HERC2: variants seen among roughly 807,000 people sequenced by gnomAD.
HERC2 encodes the protein HECT and RLD domain containing E3 ubiquitin protein ligase 2.
A neutral mutation model predicts 537.7 loss-of-function variants in HERC2; 102 were observed. The observed-to-expected ratio is 0.19, with a 90% CI of 0.16 to 0.22. The LOEUF is 0.22. Ranked by LOEUF, HERC2 falls within the 10% of genes least tolerant of loss-of-function variation. HERC2 has a pLI of 1.00. For synonymous variants in HERC2, 2,224 were observed against 2,466.2 expected (o/e 0.90, Z 2.91); for missense variants, 4,236 against 6,198.2 (o/e 0.68, Z 10.63).
intron 23 of HERC2, among the ~76,000 whole-genome samples, chr15:28,239,723 T>TA (rs1902856976): frequency 6.7e-6 from 1 of 148,316 alleles, no homozygotes; most frequent in South Asian, 2.3e-4. Flanking sequence ...AGCAGATTAA[T>TA]GTAACTAACA....
At chr15:28,245,120 A>G (rs1903528128) in intron 23 of HERC2, among the ~76,000 whole-genome samples, 1 of 152,108 alleles carries the variant, frequency 6.6e-6, no homozygotes, top group Non-Finnish European at 1.5e-5. Context: ...GAGTCTTCCC[A>G]TTATCAATCT....
chr15:28,169,320 G>A (rs1894463233), intron 66 of HERC2, among the ~76,000 whole-genome samples, 164 bp downstream of exon 66: 1 of 152,100 alleles, frequency 6.6e-6, no homozygotes, highest in South Asian at 2.1e-4. Flanking sequence ...CACACACTAA[G>A]ATATCACCAA....
intron 23 of HERC2, among the ~76,000 whole-genome samples, chr15:28,241,440 C>T (rs1014924766): frequency 3.3e-5 from 5 of 152,060 alleles, no homozygotes; most frequent in Non-Finnish European, 4.4e-5. Context: ...GCAGCCACTC[C>T]GAAAAACACT....
intron 23 of HERC2, 71 bp downstream of exon 23, chr15:28,245,810 T>A: frequency 7.6e-7 from 1 of 1,315,094 alleles, no homozygotes; most frequent in Non-Finnish European, 1.1e-6. Context: ...TTCTTTCAAA[T>A]TGAAAGGCAA....
chr15:28,158,846 A>C (rs1341577554), intron 69 of HERC2, among the ~76,000 whole-genome samples: 1 of 152,090 alleles, frequency 6.6e-6, no homozygotes, highest in Non-Finnish European at 1.5e-5. Flanking sequence ...GGTCTTTACA[A>C]TTTGGCATGT....
intron 26 of HERC2, among the ~76,000 whole-genome samples, chr15:28,235,701 C>T (rs975566104): frequency 6.6e-6 from 1 of 152,178 alleles, no homozygotes; most frequent in African/African-American, 2.4e-5. Flanking sequence ...ATGAACGTCT[C>T]CATTTCACCA....
At chr15:28,273,961 C>T (rs753759577) in intron 7 of HERC2, among the ~76,000 whole-genome samples, 3 of 152,098 alleles carry the variant, frequency 2.0e-5, no homozygotes, top group African/African-American at 4.8e-5. Context: ...AGCACCACTC[C>T]GCACTCAGAA....
chr15:28,176,522 T>G lies in HERC2; in HGVS notation c.9592A>C (p.Asn3198His). The G allele has an allele frequency of 6.2e-7, 1 of 1,614,192 alleles. No individual in the cohort carries two copies. The highest frequency in any genetic ancestry group is 1.3e-5 in the African/African-American group (1 of 75,048). The change falls in exon 63 of 93, where the codon AAC (asparagine) becomes CAC (histidine). Residue 3198 changes from asparagine to histidine, a missense_variant. Around this residue, in one of 27 missense-constraint regions of HERC2, gnomAD observed 93 missense variants for 265.1 expected, o/e 0.35. Coordinates refer to ENST00000261609, the MANE Select transcript of HERC2 (RefSeq NM_004667.6). The surrounding 1 kb of genome is among the most constrained non-coding windows in gnomAD (Gnocchi z 5.0). ...GGSEGCNIPQ[N>H]IERLNGQGVC... Reference sequence around the variant, plus strand: ...CCCTGTCCATTTAGTCTCTCAATGTTCTGGGGAATGTTACAGCCTTCACTT... The same window carrying G: ...CCCTGTCCATTTAGTCTCTCAATGTGCTGGGGAATGTTACAGCCTTCACTT...
intron 3 of HERC2, among the ~76,000 whole-genome samples, chr15:28,294,292 G>C (rs889879787): frequency 6.6e-6 from 1 of 151,330 alleles, no homozygotes; most frequent in African/African-American, 2.4e-5. Context: ...AACTTCCTAG[G>C]TTCAGCAAAT....
At position 28,112,050 on chromosome 15, in the gene HERC2, C is replaced by CATGAAGTGATTAGAA; in HGVS notation, c.14233-30_14233-16dup. ...TTATCCAACACCTGTTGAGCAGAAA[C>CATGAAGTGATTAGAA]ATGAAGTGATTAGAAATTGAGTACG... On this transcript the variant is annotated splice_polypyrimidine_tract_variant and intron_variant, in intron 92 of 92. Transcript: ENST00000261609. The CATGAAGTGATTAGAA allele has an allele frequency of 1.2e-6, 2 of 1,610,304 alleles. No homozygotes were observed. The highest frequency in any genetic ancestry group is 1.7e-6 in the Non-Finnish European group (2 of 1,176,932).
chr15:28,202,305 G>A (rs1897994405), intron 46 of HERC2, 42 bp downstream of exon 46: 1 of 1,612,998 alleles, frequency 6.2e-7, no homozygotes, highest in East Asian at 2.2e-5. Flanking sequence ...CCTGAAGCGG[G>A]AACCCACACA....
rs1887807646 is a variant in HERC2 at position 28,112,952 on chromosome 15, A to G, written c.14232+119T>C. 1.2e-5 allele frequency: 9 copies of G among 763,020 alleles called. No homozygotes were observed. In the East Asian group the frequency reaches 2.4e-4, roughly 21 times the overall value. The allele number at this position is 763,020 out of a possible 1,614,324, so 47.3% of individuals were successfully genotyped here. On this transcript the variant is annotated intron_variant, in intron 92 of 92. Coordinates refer to ENST00000261609, the MANE Select transcript of HERC2 (RefSeq NM_004667.6). ...GAGAAGTTCGATGTTTTCCATTTTC[A>G]TTTCTGTAAAGACTCAAGAGGCTCG... is the stretch of plus-strand genomic sequence containing the variant.
In HERC2 at chr15:28,289,728, G is replaced by A. The variant is rs558775104; in HGVS notation, c.322+3160C>T. ...ACATACCTAAAATCCATGGACTTACGGGACATGGCTCCCTGGAAAACGTTC... is the reference window on the plus strand; with the variant it reads ...ACATACCTAAAATCCATGGACTTACAGGACATGGCTCCCTGGAAAACGTTC... On this transcript the variant is annotated intron_variant, in intron 4 of 92. Coordinates refer to ENST00000261609, the MANE Select transcript of HERC2 (RefSeq NM_004667.6). 1.4e-3 allele frequency among the ~76,000 whole-genome samples: 220 copies of A among 152,206 alleles called. 7 individuals are homozygous for A. Among genetic ancestry groups the A allele is most frequent in the Non-Finnish European group, 3.4e-4 (23 of 68,034 alleles).
At chr15:28,140,016 C>T (rs1346014559) in intron 78 of HERC2, among the ~76,000 whole-genome samples, 1 of 150,714 alleles carries the variant, frequency 6.6e-6, no homozygotes, top group Non-Finnish European at 1.5e-5. Context: ...TGTAGTGAGC[C>T]GAGACTGTGC....
chr15:28,227,800 C>A (rs1036208462), intron 35 of HERC2, among the ~76,000 whole-genome samples: 1 of 152,164 alleles, frequency 6.6e-6, no homozygotes, highest in African/African-American at 2.4e-5. Context: ...ACAATGAAAT[C>A]TTTTTCAGCC....
At chr15:28,321,163 T>A (rs1386008013) in intron 2 of HERC2, among the ~76,000 whole-genome samples, 199 bp downstream of exon 2, 1 of 152,160 alleles carries the variant, frequency 6.6e-6, no homozygotes, top group Non-Finnish European at 1.5e-5. Context: ...TGCAAGAAAC[T>A]AATTAAAAGG....
intron 38 of HERC2, 61 bp downstream of exon 38, chr15:28,218,428 C>A: frequency 1.4e-6 from 2 of 1,457,050 alleles, no homozygotes; most frequent in Non-Finnish European, 1.9e-6. Flanking sequence ...CATGAACACC[C>A]AGACACAAGC....
chr15:28,162,062 C>CTCA (rs1420136867), intron 69 of HERC2, among the ~76,000 whole-genome samples: 6 of 152,070 alleles, frequency 3.9e-5, no homozygotes, highest in African/African-American at 1.4e-4. Context: ...GGCATGGTGG[C>CTCA]TCATGCCTGT....
At position 28,169,613 on chromosome 15, in the gene HERC2, A is replaced by G; in HGVS notation, c.10100T>C (p.Ile3367Thr). 6.2e-7 allele frequency: 1 copy of G among 1,613,774 alleles called. No individual in the cohort carries two copies. The stretch of plus-strand genomic sequence containing the variant: ...TGGCTTAGAATTACTTGCACCACTT[A>G]TTTTATTACTGGCAGCAGAAGAATC... The part of the protein sequence containing the change: ...DADSSAASNK[I>T]SGASNSKPNR... Residue 3367 changes from isoleucine to threonine, a missense_variant, in exon 66 of 93, where the codon ATA (isoleucine) becomes ACA (threonine). Coordinates refer to ENST00000261609, the MANE Select transcript of HERC2 (RefSeq NM_004667.6).
Sources: gnomAD v4.1 joint callset for allele counts (sites outside exome capture counted in the v4.1 genomes callset) on GRCh38, gnomAD v4.1.1 for gene constraint, gnomAD v4.1.1 regional missense constraint, Gnocchi (gnomAD v3.1) non-coding constraint, MANE v1.5 for transcripts, NCBI Gene and HGNC (gene_info 2026-07-23, HGNC 2026-07-21) for gene names.